Variants in ACYP2 observed in about 807,000 individuals in gnomAD.
The protein encoded by ACYP2 is acylphosphatase 2.
A neutral mutation model predicts 11.2 loss-of-function variants in ACYP2; 12 were observed. The ratio of observed to expected loss-of-function variants is 1.08; its 90% CI spans 0.69 to 1.74. ACYP2 has a LOEUF of 1.74. Among genes scored for constraint, ACYP2 ranks in the 40% most tolerant of loss-of-function variants. The pLI, the probability that ACYP2 is intolerant of heterozygous loss-of-function variation, is 0.00. For missense variants in ACYP2, 134 were observed against 101.9 expected, an observed-to-expected ratio of 1.31 and a Z score of -1.35; for synonymous variants, 43 against 32.2, an observed-to-expected ratio of 1.33 and a Z score of -1.13.
At chr2:54,252,879 G>A (rs1180424676) in intron 6 of ACYP2, among the ~76,000 whole-genome samples, 1 of 151,774 alleles carries the variant, frequency 6.6e-6, no homozygotes, top group African/African-American at 2.4e-5. Context: ...ACTCCAGCCT[G>A]GGCGACTGAG....
Position 53,979,953 on chromosome 2 carries a change from A to C in ACYP2, c.62+6143A>C, listed in dbSNP as rs143781177. Among the ~76,000 whole-genome samples the C allele has an allele frequency of 3.0e-3, 452 of 152,092 alleles. 3 individuals are homozygous for C. The highest frequency in any genetic ancestry group is 0.01 in the African/African-American group (424 of 41,538). ...GTGATCCACCCGCCTTGGCCTCCCAAAGTGCTGGGATTATAGGCGTGAGCC... is the reference window on the plus strand; with the variant it reads ...GTGATCCACCCGCCTTGGCCTCCCACAGTGCTGGGATTATAGGCGTGAGCC... On this transcript the variant is annotated intron_variant, in intron 2 of 6. Coordinates refer to ENST00000607452, the MANE Select transcript of ACYP2 (RefSeq NM_001320586.2).
chr2:53,977,425 C>G (rs1296511092), intron 2 of ACYP2, among the ~76,000 whole-genome samples: 3 of 152,126 alleles, frequency 2.0e-5, no homozygotes, highest in African/African-American at 7.2e-5. Flanking sequence ...CAGCCTTCAA[C>G]TTCTATCCCT....
intron 6 of ACYP2, among the ~76,000 whole-genome samples, chr2:54,227,607 A>G (rs959873008): frequency 4.0e-5 from 6 of 150,670 alleles, no homozygotes; most frequent in African/African-American, 1.5e-4. Flanking sequence ...CTGGCAACAG[A>G]GCAAGACTCC....
At chr2:54,281,087 A>G (rs993899984) in intron 6 of ACYP2, among the ~76,000 whole-genome samples, 3 of 152,246 alleles carry the variant, frequency 2.0e-5, no homozygotes, top group African/African-American at 7.2e-5. Flanking sequence ...TAAACGAAAT[A>G]ACATAATTTA....
At chr2:54,087,552 C>T (rs1250141823) in intron 4 of ACYP2, among the ~76,000 whole-genome samples, 1 of 152,102 alleles carries the variant, frequency 6.6e-6, no homozygotes, top group Admixed American at 6.6e-5. Flanking sequence ...GGTTTCACCA[C>T]ATTGCCCAGA....
chr2:54,060,283 A>T (rs1204544812), intron 4 of ACYP2, among the ~76,000 whole-genome samples: 1 of 150,970 alleles, frequency 6.6e-6, no homozygotes, highest in East Asian at 1.9e-4. Flanking sequence ...TTATCTTTTG[A>T]GTTTACTTTC....
At chr2:54,039,089 C>G (rs79731430) in intron 2 of ACYP2, among the ~76,000 whole-genome samples, 256 of 151,922 alleles carry the variant, frequency 1.7e-3, no homozygotes, top group African/African-American at 6.0e-3. Flanking sequence ...GGAGCGTGCT[C>G]CTATAATAGA....
At chr2:54,177,049 C>T (rs1683492829) in intron 6 of ACYP2, among the ~76,000 whole-genome samples, 1 of 152,302 alleles carries the variant, frequency 6.6e-6, no homozygotes, top group South Asian at 2.1e-4. Context: ...ATGACATATA[C>T]AGATTTAGAG....
At chr2:54,073,915 C>G (rs1435348627) in intron 4 of ACYP2, among the ~76,000 whole-genome samples, 1 of 152,138 alleles carries the variant, frequency 6.6e-6, no homozygotes, top group African/African-American at 2.4e-5. Context: ...GACATTGGAA[C>G]CTGCATATAA....
intron 4 of ACYP2, among the ~76,000 whole-genome samples, chr2:54,128,630 G>A (rs1442270292): frequency 6.6e-6 from 1 of 152,086 alleles, no homozygotes; most frequent in Admixed American, 6.5e-5. Flanking sequence ...TCACACCACT[G>A]CACTCCAGCC....
chr2:54,004,467 G>A (rs1672955903), intron 2 of ACYP2, among the ~76,000 whole-genome samples: 1 of 141,924 alleles, frequency 7.0e-6, no homozygotes, highest in Non-Finnish European at 1.5e-5. Context: ...CTGGAGTGCA[G>A]TGGCACGATC....
At chr2:54,103,967 C>A (rs1272611817) in intron 4 of ACYP2, among the ~76,000 whole-genome samples, 1 of 152,184 alleles carries the variant, frequency 6.6e-6, no homozygotes, top group South Asian at 2.1e-4. Flanking sequence ...CCAGTCAGAT[C>A]CTGCAGGTTA....
chr2:54,180,068 T>C (rs937740646), intron 6 of ACYP2, among the ~76,000 whole-genome samples: 1 of 152,094 alleles, frequency 6.6e-6, no homozygotes, highest in African/African-American at 2.4e-5. Flanking sequence ...CTAGGGTAGC[T>C]CATAGAACTT....
chr2:54,168,983 T>C (rs953789163), intron 6 of ACYP2, among the ~76,000 whole-genome samples: 1 of 152,226 alleles, frequency 6.6e-6, no homozygotes, highest in Non-Finnish European at 1.5e-5. Flanking sequence ...TCATTTTCCT[T>C]TAAACCTGTT....
At chr2:53,990,726 A>G (rs572738648) in intron 2 of ACYP2, among the ~76,000 whole-genome samples, 37 of 151,716 alleles carry the variant, frequency 2.4e-4, no homozygotes, top group Non-Finnish European at 3.4e-4. Flanking sequence ...AGTGGTTGAG[A>G]GAGCTTCTAC....
intron 6 of ACYP2, among the ~76,000 whole-genome samples, chr2:54,208,312 T>G (rs1312731521): frequency 6.6e-6 from 1 of 152,216 alleles, no homozygotes; most frequent in East Asian, 1.9e-4. Context: ...GTGAATAACA[T>G]ACTACCCTTA....
intron 2 of ACYP2, among the ~76,000 whole-genome samples, chr2:54,025,341 CTA>C (rs1346755685): frequency 1.3e-5 from 2 of 152,236 alleles, no homozygotes; most frequent in East Asian, 3.9e-4. Flanking sequence ...TACTATAAGG[CTA>C]TAGTCACCAA....
intron 6 of ACYP2, among the ~76,000 whole-genome samples, chr2:54,260,545 T>G (rs963925340): frequency 1.3e-5 from 2 of 152,136 alleles, no homozygotes; most frequent in Non-Finnish European, 2.9e-5. Context: ...GAGTTTAAGC[T>G]GGAGGACGGA....
At chr2:54,227,796 C>T (rs1686070694) in intron 6 of ACYP2, among the ~76,000 whole-genome samples, 1 of 152,180 alleles carries the variant, frequency 6.6e-6, no homozygotes, top group Non-Finnish European at 1.5e-5. Context: ...AGTATTGTTA[C>T]AGATATGAAT....
Sources: allele counts gnomAD v4.1 joint callset (sites outside exome capture counted in the v4.1 genomes callset), GRCh38; gene constraint gnomAD v4.1.1; transcripts MANE v1.5; gene names NCBI Gene and HGNC (gene_info 2026-07-23, HGNC 2026-07-21).